The following CHAT variants were observed in gnomAD, a reference collection of about 807,000 sequenced individuals.
CHAT encodes the protein acetyl CoA:choline O-acetyltransferase.
In CHAT, 61 loss-of-function variants were observed where a neutral mutation model predicts 76.9. That is an observed-to-expected ratio of 0.79 (90% confidence interval 0.65 to 0.98). The LOEUF (loss-of-function observed/expected upper bound fraction) is 0.98. CHAT is among the 50% of genes least tolerant of loss of function. The probability of loss-of-function intolerance (pLI) is 0.00; values close to 1 mark genes in which losing one functional copy is unlikely to be tolerated. For synonymous variants in CHAT, 407 were observed against 397.4 expected (o/e 1.02, Z -0.29); for missense variants, 946 against 986.9 (o/e 0.96, Z 0.56).
Position 49,649,538 on chromosome 10 carries a change from A to T in CHAT, c.1413A>T (p.Ala471=). The T allele has an allele frequency of 1.2e-6, 2 of 1,613,884 alleles. No homozygotes were observed. Among genetic ancestry groups the T allele is most frequent in the Non-Finnish European group, 1.7e-6 (2 of 1,180,044 alleles). The change falls in exon 10 of 15, where the codon GCA becomes GCT. Residue 471 remains alanine (A), a synonymous_variant. Transcript: ENST00000337653. The part of the protein sequence containing the change: ...VTQSSRKLIR[A]DSVSELPAPR... ...AGAGCAGCAGGAAGCTGATCCGAGC[A>T]GACTCCGTCAGCGAGCTCCCCGCCC...
chr10:49,612,506 C>A (rs577763644), upstream of CHAT: 84 of 674,526 alleles, frequency 1.2e-4, no homozygotes, highest in East Asian at 1.7e-3. Context: ...CGTTCCATAT[C>A]CCTTTCTCTC....
At chr10:49,640,456 C>G (rs1331988800) in intron 7 of CHAT, among the ~76,000 whole-genome samples, 1 of 151,802 alleles carries the variant, frequency 6.6e-6, no homozygotes, top group Admixed American at 6.6e-5. Flanking sequence ...TTCACTGGGT[C>G]TCTGTTGACA....
intron 7 of CHAT, among the ~76,000 whole-genome samples, chr10:49,637,871 TTTAA>T (rs979320791): frequency 2.0e-5 from 3 of 152,248 alleles, no homozygotes; most frequent in African/African-American, 7.2e-5. Context: ...TTTGAATGAC[TTTAA>T]TTCTTTTCAA....
intron 7 of CHAT, among the ~76,000 whole-genome samples, chr10:49,628,129 G>C (rs1225609407): frequency 6.6e-6 from 1 of 152,018 alleles, no homozygotes; most frequent in African/African-American, 2.4e-5. Context: ...GATAGTGGCT[G>C]GGGGAGTCGC....
At chr10:49,646,366 G>A in intron 7 of CHAT, 139 bp from the exon 8 acceptor site, 4 of 1,055,534 alleles carry the variant, frequency 3.8e-6, no homozygotes, top group Non-Finnish European at 5.8e-6. Context: ...GGGCAAGGTG[G>A]GGGGTCAGGG....
intron 1 of CHAT, chr10:49,615,871 A>G (rs1007352901): frequency 6.3e-6 from 4 of 631,374 alleles, no homozygotes; most frequent in Non-Finnish European, 1.1e-5. Context: ...CAGACCCGAG[A>G]CTGCCTAGGT....
At chr10:49,610,438 G>A, upstream of CHAT, 1 of 339,586 alleles carries the variant, frequency 2.9e-6, no homozygotes, top group Non-Finnish European at 5.3e-6. Context: ...CTCTGGGCGC[G>A]CCCCGGGCGA....
intron 3 of CHAT, 114 bp downstream of exon 3, chr10:49,620,030 G>A (rs1194289232): frequency 1.8e-6 from 2 of 1,083,884 alleles, no homozygotes; most frequent in African/African-American, 1.6e-5. Flanking sequence ...GGAGAGATGA[G>A]GGACAGGGAT....
chr10:49,615,757 C>T, intron 1 of CHAT: 1 of 503,948 alleles, frequency 2.0e-6, no homozygotes, highest in Non-Finnish European at 3.5e-6. Flanking sequence ...CAAAATTAAT[C>T]TGCCTCTCCC....
Position 49,648,503 on chromosome 10 carries a change from G to A in CHAT, c.1282-4G>A. 1.9e-6 allele frequency: 3 copies of A among 1,612,718 alleles called. No individual in the cohort carries two copies. Among genetic ancestry groups the A allele is most frequent in the African/African-American group, 1.3e-5 (1 of 75,006 alleles). The stretch of plus-strand genomic sequence containing the variant: ...GATCGCCCACTCCCTCTTTCCTGTT[G>A]CAGTTTGTGGTGGGCCGAGACGGCA... On this transcript the variant is annotated splice_region_variant and splice_polypyrimidine_tract_variant and intron_variant, in intron 8 of 14. Coordinates refer to ENST00000337653, the MANE Select transcript of CHAT (RefSeq NM_020549.5).
chr10:49,616,140 G>A (rs374206603), intron 1 of CHAT: 3 of 1,533,020 alleles, frequency 2.0e-6, no homozygotes, highest in South Asian at 2.2e-5. Context: ...GAGTTTGATT[G>A]GCAAAGCACT....
Position 49,651,916 on chromosome 10 carries a change from A to T in CHAT, c.1544A>T (p.Lys515Met), listed in dbSNP as rs933692526. The stretch of plus-strand genomic sequence containing the variant: ...AAGAACCTTGACTTCATTGTCTATA[A>T]GTTTGACAACTATGGGAAAACATTC... ...IVKNLDFIVY[K>M]FDNYGKTFIK... Residue 515 changes from lysine (K) to methionine (M), a missense_variant, in exon 11 of 15, where the codon AAG becomes ATG. Around this residue, in one of 3 missense-constraint regions of CHAT, gnomAD observed 349 missense variants for 393.9 expected, o/e 0.89. Transcript: ENST00000337653. The T allele has an allele frequency of 3.1e-6, 5 of 1,614,132 alleles. No individual in the cohort carries two copies. In the African/African-American group the frequency reaches 5.3e-5, roughly 17 times the overall value.
chr10:49,631,967 G>C lies in CHAT; in HGVS notation c.1111+4182G>C, dbSNP rs542143528. On this transcript the variant is annotated intron_variant, in intron 7 of 14. Transcript: ENST00000337653. Reference sequence around the variant, plus strand: ...GAAACAAGGGGGATGATGGTTATTGGGGGGGTAAAACCTAACAGCTCCAGC... The same window carrying C: ...GAAACAAGGGGGATGATGGTTATTGCGGGGGTAAAACCTAACAGCTCCAGC... Among the ~76,000 whole-genome samples the C allele has an allele frequency of 1.1e-4, 16 of 150,084 alleles. No individual in the cohort carries two copies. In the East Asian group the frequency reaches 2.9e-3, roughly 27 times the overall value.
intron 7 of CHAT, among the ~76,000 whole-genome samples, chr10:49,640,461 T>C (rs753712271): frequency 6.6e-6 from 1 of 151,854 alleles, no homozygotes; most frequent in African/African-American, 2.4e-5. Flanking sequence ...TGGGTCTCTG[T>C]TGACACCCTG....
At chr10:49,616,625 T>A in intron 2 of CHAT, 23 bp downstream of exon 2, 1 of 1,511,388 alleles carries the variant, frequency 6.6e-7, no homozygotes, top group Non-Finnish European at 9.1e-7. Context: ...TGGAGCCCTC[T>A]CTCAACCCTG....
intron 11 of CHAT, among the ~76,000 whole-genome samples, chr10:49,653,267 A>G (rs565060789): frequency 6.6e-6 from 1 of 152,072 alleles, no homozygotes; most frequent in Non-Finnish European, 1.5e-5. Context: ...GGAAATCAGG[A>G]GTGAAGGCAG....
At chr10:49,620,312 A>T (rs984705720) in intron 3 of CHAT, among the ~76,000 whole-genome samples, 183 bp from the exon 4 acceptor site, 1 of 152,104 alleles carries the variant, frequency 6.6e-6, no homozygotes, top group African/African-American at 2.4e-5. Context: ...AGGAGACAGG[A>T]GGGCACAAAG....
At chr10:49,612,508 C>T (rs1173458008), upstream of CHAT, 10 of 669,360 alleles carry the variant, frequency 1.5e-5, no homozygotes, top group Admixed American at 3.1e-5. Flanking sequence ...TTCCATATCC[C>T]TTTCTCTCTT....
At chr10:49,617,269 G>A (rs890843883) in intron 2 of CHAT, among the ~76,000 whole-genome samples, 2 of 151,296 alleles carry the variant, frequency 1.3e-5, no homozygotes, top group Non-Finnish European at 2.9e-5. Context: ...CCATTGCCCT[G>A]AATTCTGCAG....
Sources: allele counts gnomAD v4.1 joint callset (sites outside exome capture counted in the v4.1 genomes callset), GRCh38; gene constraint gnomAD v4.1.1; regional missense constraint gnomAD v4.1.1; transcripts MANE v1.5; gene names NCBI Gene and HGNC (gene_info 2026-07-23, HGNC 2026-07-21).